Variants in BRD3 observed in about 807,000 individuals in gnomAD.
BRD3 encodes bromodomain containing 3.
In BRD3, 17 loss-of-function variants were observed where a neutral mutation model predicts 66.8. The observed-to-expected ratio is 0.25, with a 90% confidence interval of 0.17 to 0.38. The LOEUF is 0.38. Ranked by LOEUF, BRD3 falls within the 10% of genes least tolerant of loss-of-function variation. The pLI, the probability that BRD3 is intolerant of heterozygous loss-of-function variation, is 1.00. For synonymous variants in BRD3, 421 were observed against 393.2 expected (o/e 1.07, Z -0.84); for missense variants, 713 against 956.1 (o/e 0.75, Z 3.35).
chr9:134,040,140 C>G lies in BRD3; in HGVS notation c.1537G>C (p.Val513Leu). 1.3e-6 allele frequency: 2 copies of G among 1,564,970 alleles called. No individual in the cohort carries two copies. Among genetic ancestry groups the G allele is most frequent in the Non-Finnish European group, 1.7e-6 (2 of 1,155,238 alleles). ...DKEKEKEKHK[V>L]KAEEEKKAKV... ...GCCTTCTTCTCTTCCTCGGCCTTCA[C>G]TTTGTGCTTCTCCTTCTCCTTCTCC... The change falls in exon 9 of 12, where the codon GTG becomes CTG. Residue 513 changes from valine (V) to leucine (L), a missense_variant. By Grantham distance (32) the Val-to-Leu change is conservative. This residue lies in a region of BRD3 where 418 missense variants were observed against 609.3 expected (regional missense o/e 0.69). Coordinates refer to ENST00000303407, the MANE Select transcript of BRD3 (RefSeq NM_007371.4).
rs907495441 is a variant in BRD3, at chr9:134,035,927, C to T, written c.1936+105G>A. ...CGAAGGAGCCAAGACAGCGTGGCAG[C>T]CCTGTGCCCAAGCTCGCCGCACAGG... On this transcript the variant is annotated intron_variant, in intron 10 of 11. Coordinates refer to ENST00000303407, the MANE Select transcript of BRD3 (RefSeq NM_007371.4). 2.1e-6 allele frequency: 3 copies of T among 1,437,282 alleles called. No individual in the cohort carries two copies. In the African/African-American group the frequency reaches 4.3e-5, roughly 21 times the overall value. 89.0% of individuals were successfully genotyped at this position (1,437,282 alleles called of 1,614,324 possible).
chr9:134,053,450 CG>C lies in BRD3; in HGVS notation c.27del (p.Ala10ArgfsTer10). MSTATTVA[P>X]AGIPATPGPV... ...GGGCCCGGGGTCGCCGGGATCCCCGCGGGGGCGACTGTCGTGGCGGTGGACA... is the reference window on the plus strand; with the variant it reads ...GGGCCCGGGGTCGCCGGGATCCCCGCGGGGCGACTGTCGTGGCGGTGGACA... On this transcript the variant is annotated frameshift_variant, in exon 2 of 12. Transcript: ENST00000303407. LOFTEE classifies it high-confidence loss of function. 1 of 1,606,736 alleles carries C rather than the reference CG, an allele frequency of 6.2e-7. No homozygotes were observed. The highest frequency in any genetic ancestry group is 8.5e-7 in the Non-Finnish European group (1 of 1,178,142).
chr9:134,049,137 C>T (rs796265482), intron 5 of BRD3, among the ~76,000 whole-genome samples: 4 of 152,256 alleles, frequency 2.6e-5, no homozygotes, highest in African/African-American at 9.6e-5. Context: ...ACAGAACCTT[C>T]TGTGGGTGTG....
intron 7 of BRD3, among the ~76,000 whole-genome samples, chr9:134,043,030 G>A (rs1050825074): frequency 1.3e-5 from 2 of 152,130 alleles, no homozygotes; most frequent in African/African-American, 2.4e-5. Flanking sequence ...TAGTAGAGCC[G>A]AAGTTTCACC....
Position 134,060,610 on chromosome 9 carries a change from ACACACACACACG to A in BRD3, c.-113-7032_-113-7021del, listed in dbSNP as rs921598833. 3.3e-5 allele frequency among the ~76,000 whole-genome samples: 5 copies of A among 151,816 alleles called. No homozygotes were observed. In the South Asian group the frequency reaches 8.4e-4, roughly 25 times the overall value. On this transcript the variant is annotated intron_variant, in intron 1 of 11. Coordinates refer to ENST00000303407, the MANE Select transcript of BRD3 (RefSeq NM_007371.4). Reference sequence around the variant, plus strand: ...CTGACACACACACACACACACACACACACACACACACGATCTGGAATGCCATGGAGATTTCCA... The same window carrying A: ...CTGACACACACACACACACACACACAATCTGGAATGCCATGGAGATTTCCA...
Position 134,040,144 on chromosome 9 carries a change from G to A in BRD3, c.1533C>T (p.His511=), listed in dbSNP as rs965602079. The A allele has an allele frequency of 1.9e-6, 3 of 1,564,884 alleles. No individual in the cohort carries two copies. Among genetic ancestry groups the A allele is most frequent in the South Asian group, 1.2e-5 (1 of 85,282 alleles). The stretch of plus-strand genomic sequence containing the variant: ...TCTTCTCTTCCTCGGCCTTCACTTT[G>A]TGCTTCTCCTTCTCCTTCTCCTTGT... ...KKDKEKEKEK[H]KVKAEEEKKA... is the part of the protein sequence containing the mutation. The change falls in exon 9 of 12, where the codon CAC becomes CAT. Residue 511 remains histidine (H), a synonymous_variant. Coordinates refer to ENST00000303407, the MANE Select transcript of BRD3 (RefSeq NM_007371.4).
intron 1 of BRD3, among the ~76,000 whole-genome samples, chr9:134,059,213 G>A (rs549292331): frequency 1.3e-5 from 2 of 152,342 alleles, no homozygotes; most frequent in East Asian, 1.9e-4. Flanking sequence ...GCCCCCGCCC[G>A]CGGAAGCTGC....
chr9:134,035,923 GC>G, intron 10 of BRD3, 108 bp downstream of exon 10: 1 of 1,412,260 alleles, frequency 7.1e-7, no homozygotes, highest in Admixed American at 2.5e-5. Context: ...AGACAGCGTG[GC>G]AGCCCTGTGC....
intron 1 of BRD3, among the ~76,000 whole-genome samples, chr9:134,055,214 C>T (rs542675421): frequency 1.1e-4 from 16 of 152,354 alleles, no homozygotes; most frequent in African/African-American, 2.9e-4. Context: ...CCGCAAGGAC[C>T]GCCTAGCCCG....
Position 134,033,081 on chromosome 9 carries a change from A to G in BRD3, c.*509T>C. 2.5e-6 allele frequency: 1 copy of G among 399,250 alleles called. No individual in the cohort carries two copies. Among genetic ancestry groups the G allele is most frequent in the East Asian group, 3.6e-5 (1 of 28,072 alleles). The allele number at this position is 399,250 out of a possible 1,614,324, so 24.7% of individuals were successfully genotyped here. On this transcript the variant is annotated 3_prime_UTR_variant, in exon 12 of 12. Coordinates refer to ENST00000303407, the MANE Select transcript of BRD3 (RefSeq NM_007371.4). This position sits in a 1 kb window ranked among gnomAD's most constrained non-coding sequence, Gnocchi z 5.1. ...CAGCCTGGTCTCCACAAGCAGGCACATCTGTCCTCAGCCCCTCCAGAAAGA... is the reference window on the plus strand; with the variant it reads ...CAGCCTGGTCTCCACAAGCAGGCACGTCTGTCCTCAGCCCCTCCAGAAAGA...
chr9:134,052,238 A>T, intron 3 of BRD3, 68 bp downstream of exon 3: 1 of 1,577,820 alleles, frequency 6.3e-7, no homozygotes, highest in Non-Finnish European at 8.6e-7. Flanking sequence ...CAAAGCGCCC[A>T]GGCCCACTGC....
chr9:134,035,639 C>G (rs1308848919), intron 10 of BRD3, among the ~76,000 whole-genome samples: 1 of 152,228 alleles, frequency 6.6e-6, no homozygotes, highest in African/African-American at 2.4e-5. Flanking sequence ...CACCTGCAGC[C>G]AAGGCCCCAA....
At chr9:134,064,620 G>A (rs1290572390) in intron 1 of BRD3, among the ~76,000 whole-genome samples, 2 of 152,164 alleles carry the variant, frequency 1.3e-5, no homozygotes, top group South Asian at 2.1e-4. Context: ...CAGCACTTCA[G>A]GAGGCAGAGA....
intron 1 of BRD3, among the ~76,000 whole-genome samples, chr9:134,064,738 C>G (rs1302916779): frequency 6.6e-6 from 1 of 152,152 alleles, no homozygotes; most frequent in African/African-American, 2.4e-5. Context: ...AGCCCTCAAG[C>G]CTCTCAGATG....
intron 1 of BRD3, among the ~76,000 whole-genome samples, chr9:134,062,986 CATCT>C (rs1267773323): frequency 3.3e-5 from 5 of 152,190 alleles, no homozygotes; most frequent in African/African-American, 1.2e-4. Flanking sequence ...ACCTAGCATC[CATCT>C]GTCTGCTCCA....
At position 134,050,436 on chromosome 9, in the gene BRD3, C is replaced by T. The variant is rs764107273; in HGVS notation, c.652G>A (p.Ala218Thr). 9.9e-6 allele frequency: 16 copies of T among 1,611,230 alleles called. No homozygotes were observed. Among genetic ancestry groups the T allele is most frequent in the Admixed American group, 1.7e-5 (1 of 59,832 alleles). Residue 218 changes from alanine to threonine, a missense_variant, in exon 5 of 12, where the codon GCC becomes ACC. Physicochemically the swap from Ala to Thr is moderately conservative, Grantham distance 58. Around this residue, in one of 5 missense-constraint regions of BRD3, gnomAD observed 120 missense variants for 122.8 expected, o/e 0.98. Transcript: ENST00000303407. The part of the protein sequence containing the change: ...VTSVPVPPAA[A>T]PPPPATPIVP... ...ATGGGTGTGGCAGGAGGAGGTGGGGCGGCAGCTGGGGGGACTGGGACCGAC... is the reference window on the plus strand; with the variant it reads ...ATGGGTGTGGCAGGAGGAGGTGGGGTGGCAGCTGGGGGGACTGGGACCGAC...
At chr9:134,054,761 A>T (rs925918864) in intron 1 of BRD3, among the ~76,000 whole-genome samples, 14 of 152,016 alleles carry the variant, frequency 9.2e-5, no homozygotes, top group Admixed American at 2.0e-4. Context: ...GTCCCCTGAA[A>T]TCTGCCTCGG....
At position 134,031,447 on chromosome 9, in the gene BRD3, T is replaced by TAA. The variant is rs1843511310; in HGVS notation, c.*2141_*2142dup. On this transcript the variant is annotated 3_prime_UTR_variant, in exon 12 of 12. Coordinates refer to ENST00000303407, the MANE Select transcript of BRD3 (RefSeq NM_007371.4). Reference sequence around the variant, plus strand: ...TGTCAACTGTCGTGTGTGAATTCCTTAAATTCGGTTTAAATAGTCCATTAA... The same window carrying TAA: ...TGTCAACTGTCGTGTGTGAATTCCTTAAAAATTCGGTTTAAATAGTCCATTAA... 1 of 204,578 alleles carries TAA rather than the reference T, an allele frequency of 4.9e-6. No individual in the cohort carries two copies. Among genetic ancestry groups the TAA allele is most frequent in the Non-Finnish European group, 1.0e-5 (1 of 99,932 alleles). 12.7% of individuals were successfully genotyped at this position (204,578 alleles called of 1,614,324 possible).
At chr9:134,067,476 G>C (rs1341402185) in intron 1 of BRD3, among the ~76,000 whole-genome samples, 4 of 148,578 alleles carry the variant, frequency 2.7e-5, no homozygotes, top group Non-Finnish European at 6.0e-5. Flanking sequence ...GCCGCAGGCC[G>C]GGGCCGCCGC....
Sources: allele counts gnomAD v4.1 joint callset (sites outside exome capture counted in the v4.1 genomes callset), GRCh38; gene constraint gnomAD v4.1.1; regional missense constraint gnomAD v4.1.1; non-coding constraint Gnocchi (gnomAD v3.1); transcripts MANE v1.5; gene names NCBI Gene and HGNC (gene_info 2026-07-23, HGNC 2026-07-21).